Variants in VAV2 observed in about 807,000 individuals in gnomAD.
VAV2 encodes vav guanine nucleotide exchange factor 2, also known as guanine nucleotide exchange factor VAV2.
Under a neutral mutation model 132.5 loss-of-function variants are expected in VAV2, and 67 were observed. That is an observed-to-expected ratio of 0.51 (90% CI 0.42 to 0.62). The LOEUF is 0.62. Among genes scored for constraint, VAV2 ranks in the 20% least tolerant of loss-of-function variants. The pLI is 0.00. For missense variants in VAV2, 938 were observed against 1,153.6 expected, an observed-to-expected ratio of 0.81 and a Z score of 2.71; for synonymous variants, 492 against 443.5, an observed-to-expected ratio of 1.11 and a Z score of -1.37.
intron 2 of VAV2, among the ~76,000 whole-genome samples, chr9:133,869,816 C>T (rs1412836955): frequency 3.3e-5 from 5 of 152,260 alleles, no homozygotes; most frequent in Admixed American, 6.5e-5. Context: ...TCAGCCATTA[C>T]CACACATCTG....
chr9:133,875,977 T>G (rs544163497), intron 2 of VAV2, among the ~76,000 whole-genome samples: 89 of 152,332 alleles, frequency 5.8e-4, no homozygotes, highest in Non-Finnish European at 8.2e-4. Context: ...ATTCACTCAC[T>G]GCCCAGCGGG....
intron 4 of VAV2, 71 bp from the exon 5 acceptor site, chr9:133,812,287 G>C: frequency 2.8e-6 from 4 of 1,446,472 alleles, no homozygotes; most frequent in African/African-American, 2.8e-5. Flanking sequence ...CGCAGAGCAC[G>C]AGGGTCCACG....
At chr9:133,947,458 G>C (rs1296026992) in intron 1 of VAV2, among the ~76,000 whole-genome samples, 1 of 152,162 alleles carries the variant, frequency 6.6e-6, no homozygotes, top group Admixed American at 6.5e-5. Flanking sequence ...CTGGCCCTTT[G>C]GGAGGCCAAG....
intron 3 of VAV2, among the ~76,000 whole-genome samples, chr9:133,852,407 G>A (rs1837223953): frequency 6.6e-6 from 1 of 151,882 alleles, no homozygotes; most frequent in African/African-American, 2.4e-5. Context: ...CAGAAGGGTG[G>A]GGGGAGTGCG....
At position 133,804,621 on chromosome 9, in the gene VAV2, T is replaced by A. The variant is rs1835063500; in HGVS notation, c.836+1460A>T. Among the ~76,000 whole-genome samples the A allele has an allele frequency of 6.6e-6, 1 of 152,154 alleles. No homozygotes were observed. The highest frequency in any genetic ancestry group is 2.4e-5 in the African/African-American group (1 of 41,432). ...GGACCTCGAAGCAAACCACGCCTCA[T>A]CCGTGGCTCCCTCCCTTCCTGGCCG... On this transcript the variant is annotated intron_variant, in intron 9 of 29. Coordinates refer to ENST00000371850, the MANE Select transcript of VAV2 (RefSeq NM_001134398.2). This position sits in a 1 kb window ranked among gnomAD's most constrained non-coding sequence, Gnocchi z 4.5.
chr9:133,951,486 C>G (rs1456313503), intron 1 of VAV2, among the ~76,000 whole-genome samples: 1 of 152,218 alleles, frequency 6.6e-6, no homozygotes, highest in Non-Finnish European at 1.5e-5. Context: ...ACCCGCCAGG[C>G]AACCCCAGCT....
intron 1 of VAV2, among the ~76,000 whole-genome samples, chr9:133,984,710 C>A (rs1297836205): frequency 6.6e-6 from 1 of 152,148 alleles, no homozygotes; most frequent in Non-Finnish European, 1.5e-5. Context: ...GCATAGGCTA[C>A]CAGCATGGCC....
intron 4 of VAV2, among the ~76,000 whole-genome samples, chr9:133,816,515 G>C (rs1835565477): frequency 6.6e-6 from 1 of 152,212 alleles, no homozygotes; most frequent in Admixed American, 6.5e-5. Context: ...GTATGAAGTA[G>C]CAGGGTTCAC....
chr9:133,981,055 G>A (rs1170191542), intron 1 of VAV2, among the ~76,000 whole-genome samples: 1 of 152,234 alleles, frequency 6.6e-6, no homozygotes. Context: ...CAACAGCAAA[G>A]CCTGCACGTG....
In VAV2 at chr9:133,777,381, G is replaced by A. The variant is rs1833853211; in HGVS notation, c.1965+8C>T. 1.9e-6 allele frequency: 3 copies of A among 1,613,622 alleles called. No homozygotes were observed. The highest frequency in any genetic ancestry group is 1.7e-6 in the Non-Finnish European group (2 of 1,179,928). On this transcript the variant is annotated splice_region_variant and intron_variant, in intron 23 of 29. Transcript: ENST00000371850. ...GTGCTCCAGAAGCTTCTGTGGGAAA[G>A]GACTCACCCTTCCATCCACAGGGCA...
chr9:133,793,380 G>A (rs553426564), intron 12 of VAV2, among the ~76,000 whole-genome samples: 268 of 148,904 alleles, frequency 1.8e-3, no homozygotes, highest in Middle Eastern at 3.4e-3. Flanking sequence ...GCCCTTCCTC[G>A]TTCCTAGAAG....
At chr9:133,797,908 C>A in intron 9 of VAV2, 99 bp from the exon 10 acceptor site, 1 of 1,047,472 alleles carries the variant, frequency 9.5e-7, no homozygotes, top group South Asian at 1.5e-5. Flanking sequence ...TGTAGGTGCG[C>A]AACCAACAGG....
At chr9:133,776,795 G>A (rs559119856) in intron 23 of VAV2, among the ~76,000 whole-genome samples, 39 of 152,256 alleles carry the variant, frequency 2.6e-4, no homozygotes, top group African/African-American at 6.7e-4. Flanking sequence ...CGGGGCTGCC[G>A]CAGTGGGGTT....
At chr9:133,766,780 A>ATATATATATATG (rs1236637446) in intron 29 of VAV2, among the ~76,000 whole-genome samples, 4 of 144,712 alleles carry the variant, frequency 2.8e-5, no homozygotes, top group Non-Finnish European at 6.0e-5. Context: ...ATATATATAT[A>ATATATATATATG]TATATATCCC....
intron 1 of VAV2, among the ~76,000 whole-genome samples, chr9:133,979,441 G>A (rs379485): frequency 2.6e-5 from 4 of 151,940 alleles, no homozygotes; most frequent in African/African-American, 4.8e-5. Context: ...AGAGGAGATG[G>A]GTCCCCAGGC....
At chr9:133,902,493 ATGT>A (rs749346517) in intron 2 of VAV2, among the ~76,000 whole-genome samples, 2 of 152,288 alleles carry the variant, frequency 1.3e-5, no homozygotes, top group Non-Finnish European at 2.9e-5. Flanking sequence ...AGTAGAGAAA[ATGT>A]TCACCCACAA....
At chr9:133,780,836 G>A (rs991521422) in intron 19 of VAV2, 126 bp from the exon 20 acceptor site, 2 of 1,114,972 alleles carry the variant, frequency 1.8e-6, no homozygotes, top group Admixed American at 8.5e-5. Context: ...AAGCTACAAA[G>A]TGGTCTGTTT....
At chr9:133,846,759 C>G (rs376475745) in intron 3 of VAV2, among the ~76,000 whole-genome samples, 153 of 152,358 alleles carry the variant, frequency 1.0e-3, no homozygotes, top group African/African-American at 3.6e-3. Context: ...GAGACCGTGT[C>G]CCGGGAACTC....
chr9:133,906,187 T>C (rs905630328), intron 2 of VAV2, among the ~76,000 whole-genome samples: 2 of 152,236 alleles, frequency 1.3e-5, no homozygotes, highest in African/African-American at 4.8e-5. Context: ...CCTGGGGCTC[T>C]GTGGGGACCT....
Sources: gnomAD v4.1 joint callset for allele counts (sites outside exome capture counted in the v4.1 genomes callset) on GRCh38, gnomAD v4.1.1 for gene constraint, Gnocchi (gnomAD v3.1) non-coding constraint, MANE v1.5 for transcripts, NCBI Gene and HGNC (gene_info 2026-07-23, HGNC 2026-07-21) for gene names.